The following HSPG2 variants were observed in gnomAD, a reference collection of about 807,000 sequenced individuals.
HSPG2 encodes the protein basement membrane-specific heparan sulfate proteoglycan core protein.
In HSPG2, 278 loss-of-function variants were observed where a neutral mutation model predicts 526.6. The observed-to-expected ratio is 0.53, with a 90% CI of 0.48 to 0.58. HSPG2 has a LOEUF of 0.58. HSPG2 is among the 20% of genes least tolerant of loss of function. The pLI, the probability that HSPG2 is intolerant of heterozygous loss-of-function variation, is 0.00. For missense variants in HSPG2, 5,354 were observed against 6,099.5 expected (o/e 0.88, Z 4.07); for synonymous variants, 2,465 against 2,555.4 (o/e 0.96, Z 1.07).
At chr1:21,869,058 G>T in intron 33 of HSPG2, 1 of 268,474 alleles carries the variant, frequency 3.7e-6, no homozygotes, top group Non-Finnish European at 5.7e-6. Flanking sequence ...GGACCGTCAT[G>T]GGAGGGAGGC....
chr1:21,885,510 C>A (rs957725068), intron 9 of HSPG2, 59 bp from the exon 10 acceptor site: 2 of 1,599,018 alleles, frequency 1.3e-6, no homozygotes, highest in Middle Eastern at 1.7e-4. Flanking sequence ...CCTGGGCATC[C>A]CCAGGGCCAC....
At chr1:21,909,749 C>G (rs1171502462) in intron 1 of HSPG2, among the ~76,000 whole-genome samples, 1 of 152,222 alleles carries the variant, frequency 6.6e-6, no homozygotes, top group Non-Finnish European at 1.5e-5. Context: ...ACCCATCACT[C>G]CCCAAACCCG....
chr1:21,857,340 C>A lies in HSPG2; in HGVS notation c.5339G>T (p.Ser1780Ile), dbSNP rs1011271356. The change falls in exon 43 of 97, where the codon AGC becomes ATC. Residue 1780 changes from serine (S) to isoleucine (I), a missense_variant. Ser to Ile is a moderately radical substitution (Grantham distance 142). Transcript: ENST00000374695. ...GTCAGCTCCGGGGCGCACGCTCTGG[C>A]TCCGCTGCTCCTCCACAGTCACTGT... ...PITVTVEEQR[S>I]QSVRPGADVT... The A allele has an allele frequency of 3.1e-6, 5 of 1,613,956 alleles. No homozygotes were observed. Among genetic ancestry groups the A allele is most frequent in the Non-Finnish European group, 4.2e-6 (5 of 1,180,032 alleles).
At position 21,864,620 on chromosome 1, in the gene HSPG2, C is replaced by T. The variant is rs1040441858; in HGVS notation, c.4626+223G>A. On this transcript the variant is annotated intron_variant, in intron 36 of 96. Transcript: ENST00000374695. The surrounding 1 kb of genome is among the most constrained non-coding windows in gnomAD (Gnocchi z 4.8). ...AAATTAGTTTCTGCCACACATTAGC[C>T]GTGTGCCCTTGGGACACACTCACCC... 1.3e-5 allele frequency among the ~76,000 whole-genome samples: 2 copies of T among 152,342 alleles called. No individual in the cohort carries two copies. The highest frequency in any genetic ancestry group is 2.1e-4 in the South Asian group (1 of 4,830).
Position 21,833,706 on chromosome 1 carries a change from T to C in HSPG2, c.10831-92A>G. The stretch of plus-strand genomic sequence containing the variant: ...GTGCCTCAGGCCCACCTTCCAACAT[T>C]GAGCGTTTGCTCTTGGCCAAGCCTG... On this transcript the variant is annotated intron_variant, in intron 78 of 96. Coordinates refer to ENST00000374695, the MANE Select transcript of HSPG2 (RefSeq NM_005529.7). 3.8e-6 allele frequency: 6 copies of C among 1,584,686 alleles called. No individual in the cohort carries two copies. In the South Asian group the frequency reaches 6.7e-5, roughly 18 times the overall value.
chr1:21,850,432 C>T lies in HSPG2; in HGVS notation c.7225G>A (p.Val2409Met). Residue 2409 changes from valine (V) to methionine (M), a missense_variant, in exon 56 of 97, where the codon GTG (valine) becomes ATG (methionine). By Grantham distance (21) the Val-to-Met change is conservative (BLOSUM62 1). Transcript: ENST00000374695. Reference sequence around the variant, plus strand: ...TCTAGAGGCACGGAGCTGCCCAACACTCGGCACACGTACTCGCCCGAGTCG... The same window carrying T: ...TCTAGAGGCACGGAGCTGCCCAACATTCGGCACACGTACTCGCCCGAGTCG... ...PADSGEYVCR[V>M]LGSSVPLEAS... 1 of 1,611,922 alleles carries T rather than the reference C, an allele frequency of 6.2e-7. No homozygotes were observed. The highest frequency in any genetic ancestry group is 8.5e-7 in the Non-Finnish European group (1 of 1,179,064).
rs1449893401 is a variant in HSPG2 at position 21,874,508 on chromosome 1, G to A, written c.3554C>T (p.Pro1185Leu). 1 of 1,613,444 alleles carries A rather than the reference G, an allele frequency of 6.2e-7. No individual in the cohort carries two copies. Among genetic ancestry groups the A allele is most frequent in the South Asian group, 1.1e-5 (1 of 91,042 alleles). The part of the protein sequence containing the change: ...CQGCQHHTEG[P>L]RCEQCQPGYY... ...TCCTGGCTGGCACTGCTCACACCGA[G>A]GGCCCTCCGTGTGATGCTGGCAGCC... Residue 1185 changes from proline (P) to leucine (L), a missense_variant, in exon 28 of 97, where the codon CCT (proline) becomes CTT (leucine). Transcript: ENST00000374695.
At position 21,847,830 on chromosome 1, in the gene HSPG2, G is replaced by C. The variant is rs774285421; in HGVS notation, c.7884C>G (p.Val2628=). The part of the protein sequence containing the change: ...QGSGSSHVPS[V]SPPIRIESSS... ...ACGACTCGATCCTGATCGGTGGGGA[G>C]ACGCTGGGCACTGGGGACAGACGGG... Residue 2628 remains valine (V), a synonymous_variant, in exon 61 of 97, where the codon GTC becomes GTG. Coordinates refer to ENST00000374695, the MANE Select transcript of HSPG2 (RefSeq NM_005529.7). The surrounding 1 kb of genome is among the most constrained non-coding windows in gnomAD (Gnocchi z 4.1). 6.2e-7 allele frequency: 1 copy of C among 1,613,982 alleles called. No individual in the cohort carries two copies. The highest frequency in any genetic ancestry group is 8.5e-7 in the Non-Finnish European group (1 of 1,180,028).
At chr1:21,849,783 G>A (rs1331128952) in intron 57 of HSPG2, among the ~76,000 whole-genome samples, 2 of 152,036 alleles carry the variant, frequency 1.3e-5, no homozygotes, top group Non-Finnish European at 2.9e-5. Flanking sequence ...GGGTTCAGGC[G>A]ATTCTCCTGC....
At position 21,842,250 on chromosome 1, in the gene HSPG2, C is replaced by T; in HGVS notation, c.9041G>A (p.Gly3014Glu). ...SFTVTVPPSE[G>E]SSYRLRSPVI... Reference sequence around the variant, plus strand: ...TCTGCCATACTCACGGTAGGAAGACCCCTCACTGGGCGGGACGGTGACTGT... The same window carrying T: ...TCTGCCATACTCACGGTAGGAAGACTCCTCACTGGGCGGGACGGTGACTGT... Residue 3014 changes from glycine (G) to glutamate (E), a missense_variant, in exon 68 of 97, where the codon GGG becomes GAG. Transcript: ENST00000374695. The T allele has an allele frequency of 6.2e-7, 1 of 1,613,610 alleles. No individual in the cohort carries two copies. Among genetic ancestry groups the T allele is most frequent in the Non-Finnish European group, 8.5e-7 (1 of 1,179,902 alleles).
At chr1:21,927,270 A>AG (rs1022200218) in intron 1 of HSPG2, among the ~76,000 whole-genome samples, 32 of 144,940 alleles carry the variant, frequency 2.2e-4, no homozygotes, top group African/African-American at 8.4e-4. Context: ...CCTGATGGGG[A>AG]GGGGGGACAC....
In HSPG2 at chr1:21,885,381, T is replaced by G; in HGVS notation, c.1149A>C (p.Pro383=). The G allele has an allele frequency of 6.2e-7, 1 of 1,614,118 alleles. No individual in the cohort carries two copies. Among genetic ancestry groups the G allele is most frequent in the South Asian group, 1.1e-5 (1 of 91,086 alleles). ...FRCVSTNMCI[P]ASFHCDEESD... ...TCTCCTCGTCACAGTGGAAGCTGGCTGGGATGCACATGTTGGTAGAGACGC... is the reference window on the plus strand; with the variant it reads ...TCTCCTCGTCACAGTGGAAGCTGGCGGGGATGCACATGTTGGTAGAGACGC... Residue 383 remains proline (P), a synonymous_variant, in exon 10 of 97, where the codon CCA becomes CCC. Transcript: ENST00000374695.
chr1:21,897,040 C>G (rs1374743840), intron 1 of HSPG2, among the ~76,000 whole-genome samples: 3 of 152,188 alleles, frequency 2.0e-5, no homozygotes, highest in Non-Finnish European at 2.9e-5. Context: ...CACCTTGGGG[C>G]CTGCAAACTA....
At chr1:21,853,631 T>C (rs1265294468) in intron 50 of HSPG2, 3 of 166,658 alleles carry the variant, frequency 1.8e-5, no homozygotes, top group South Asian at 1.4e-4. Flanking sequence ...CCTGTAGTCC[T>C]AGCTACTCAG....
rs372356869 is a variant in HSPG2 at position 21,890,499 on chromosome 1, C to T, written c.355-14G>A. Reference sequence around the variant, plus strand: ...CTCCGACTCCAGCTGGGGAGGGACACAGTGCCATCAGCCCCAGAGGCCTTC... The same window carrying T: ...CTCCGACTCCAGCTGGGGAGGGACATAGTGCCATCAGCCCCAGAGGCCTTC... On this transcript the variant is annotated splice_polypyrimidine_tract_variant and intron_variant, in intron 4 of 96. Coordinates refer to ENST00000374695, the MANE Select transcript of HSPG2 (RefSeq NM_005529.7). The surrounding 1 kb of genome is among the most constrained non-coding windows in gnomAD (Gnocchi z 4.1). 2 of 1,613,830 alleles carry T rather than the reference C, an allele frequency of 1.2e-6. No individual in the cohort carries two copies. Among genetic ancestry groups the T allele is most frequent in the Admixed American group, 1.7e-5 (1 of 59,986 alleles).
At chr1:21,918,636 AGAG>A (rs1384413690) in intron 1 of HSPG2, among the ~76,000 whole-genome samples, 1 of 152,200 alleles carries the variant, frequency 6.6e-6, no homozygotes, top group Non-Finnish European at 1.5e-5. Context: ...CTCATTCTAT[AGAG>A]GAGGGAAGTG....
rs1209333460 is a variant in HSPG2 at position 21,879,655 on chromosome 1, G to GT, written c.2343+451dup. Among the ~76,000 whole-genome samples the GT allele has an allele frequency of 1.7e-4, 3 of 17,844 alleles. No homozygotes were observed. The East Asian group carries it at 0.035, about 207-fold the overall frequency. The allele number at this position is 17,844 out of a possible 152,430, so 11.7% of individuals were successfully genotyped here. ...CCTTGTCTGGATGCTGTATCTCTGG[G>GT]TTGTTTTTTTTTTCTGAGACTGAGT... On this transcript the variant is annotated intron_variant, in intron 17 of 96. Coordinates refer to ENST00000374695, the MANE Select transcript of HSPG2 (RefSeq NM_005529.7).
At position 21,885,073 on chromosome 1, in the gene HSPG2, C is replaced by G. The variant is rs762139922; in HGVS notation, c.1295G>C (p.Gly432Ala). 1.2e-6 allele frequency: 2 copies of G among 1,613,786 alleles called. No individual in the cohort carries two copies. Among genetic ancestry groups the G allele is most frequent in the Non-Finnish European group, 1.7e-6 (2 of 1,179,984 alleles). ...QTVTFTCVAIGVPTPIINWRL... is the reference protein window; with the variant it reads ...QTVTFTCVAIAVPTPIINWRL... Reference sequence around the variant, plus strand: ...CCAATTGATGATGGGGGTGGGGACGCCAATGGCCACGCAGGTGAAGGTCAC... The same window carrying G: ...CCAATTGATGATGGGGGTGGGGACGGCAATGGCCACGCAGGTGAAGGTCAC... The change falls in exon 11 of 97, where the codon GGC (glycine) becomes GCC (alanine). Residue 432 changes from glycine (G) to alanine (A), a missense_variant. Physicochemically the swap from Gly to Ala is moderately conservative, Grantham distance 60 (BLOSUM62 0). Coordinates refer to ENST00000374695, the MANE Select transcript of HSPG2 (RefSeq NM_005529.7).
chr1:21,894,892 C>A (rs1325187480), intron 3 of HSPG2, among the ~76,000 whole-genome samples: 1 of 152,192 alleles, frequency 6.6e-6, no homozygotes, highest in Admixed American at 6.5e-5. Context: ...TGGAGACCTA[C>A]ACATGGAAAT....
Sources: gnomAD v4.1 joint callset for allele counts (sites outside exome capture counted in the v4.1 genomes callset) on GRCh38, gnomAD v4.1.1 for gene constraint, Gnocchi (gnomAD v3.1) non-coding constraint, MANE v1.5 for transcripts, NCBI Gene and HGNC (gene_info 2026-07-23, HGNC 2026-07-21) for gene names.